The following EIPR1 variants were observed in gnomAD, a reference collection of about 807,000 sequenced individuals.
EIPR1 encodes the protein EARP and GARP complex-interacting protein 1.
Under a neutral mutation model 48.1 loss-of-function variants are expected in EIPR1, and 25 were observed. The ratio of observed to expected loss-of-function variants is 0.52; its 90% CI spans 0.38 to 0.73. The LOEUF (loss-of-function observed/expected upper bound fraction) is 0.73. Among genes scored for constraint, EIPR1 ranks in the 30% least tolerant of loss-of-function variants. The pLI is 0.00. For synonymous variants in EIPR1, 204 were observed against 201.9 expected, an observed-to-expected ratio of 1.01 and a Z score of -0.09; for missense variants, 415 against 506.2, an observed-to-expected ratio of 0.82 and a Z score of 1.73.
intron 4 of EIPR1, among the ~76,000 whole-genome samples, chr2:3,240,406 C>G (rs1371094167): frequency 6.6e-6 from 1 of 150,404 alleles, no homozygotes; most frequent in Non-Finnish European, 1.5e-5. Context: ...GCAAAGCCAG[C>G]AGATCCTTCC....
intron 3 of EIPR1, among the ~76,000 whole-genome samples, chr2:3,276,142 AGAT>A (rs1218382633): frequency 6.6e-6 from 1 of 152,258 alleles, no homozygotes; most frequent in Non-Finnish European, 1.5e-5. Context: ...TAAATTGTCA[AGAT>A]AAGTGTACTC....
intron 5 of EIPR1, chr2:3,208,383 C>G: frequency 7.3e-7 from 1 of 1,370,318 alleles, no homozygotes; most frequent in Non-Finnish European, 9.7e-7. Context: ...GGGCATCAGA[C>G]CTGACCCACA....
intron 4 of EIPR1, among the ~76,000 whole-genome samples, chr2:3,229,911 T>C (rs760238751): frequency 6.6e-5 from 10 of 152,234 alleles, no homozygotes; most frequent in Admixed American, 1.3e-4. Flanking sequence ...TTCTGTGCTA[T>C]AGATAAATAC....
chr2:3,205,119 G>A lies in EIPR1; in HGVS notation c.517-8102C>T, dbSNP rs183270678. On this transcript the variant is annotated intron_variant, in intron 5 of 8. Coordinates refer to ENST00000382125, the MANE Select transcript of EIPR1 (RefSeq NM_003310.5). Reference sequence around the variant, plus strand: ...GCGCAGGACGTATGAAGCACCTGGTGCAGGCGTGTCCCAGGTTGTGCACCC... The same window carrying A: ...GCGCAGGACGTATGAAGCACCTGGTACAGGCGTGTCCCAGGTTGTGCACCC... Among the ~76,000 whole-genome samples the A allele has an allele frequency of 1.4e-4, 21 of 152,338 alleles. No homozygotes were observed. In the East Asian group the frequency reaches 3.7e-3, roughly 27 times the overall value.
At chr2:3,274,338 C>G in intron 3 of EIPR1, 5 of 1,550,472 alleles carry the variant, frequency 3.2e-6, no homozygotes, top group Non-Finnish European at 4.4e-6. Context: ...CAGAAACTTA[C>G]AGGTTGCCAG....
intron 3 of EIPR1, among the ~76,000 whole-genome samples, chr2:3,297,607 G>A (rs1368754589): frequency 6.6e-6 from 1 of 152,164 alleles, no homozygotes; most frequent in African/African-American, 2.4e-5. Flanking sequence ...TTCTGTAAAG[G>A]GCCAGGTCAT....
chr2:3,246,994 GAGC>G (rs1666838807), intron 4 of EIPR1, among the ~76,000 whole-genome samples: 1 of 140 alleles, frequency 7.1e-3, no homozygotes, highest in Non-Finnish European at 0.019. Flanking sequence ...GGGAGGGAGA[GAGC>G]GAGGGAGGAG....
intron 3 of EIPR1, among the ~76,000 whole-genome samples, chr2:3,278,205 AG>A: frequency 6.6e-6 from 1 of 152,278 alleles, no homozygotes; most frequent in South Asian, 2.1e-4. Context: ...AAACGAGAGG[AG>A]GGGGAGACGC....
intron 4 of EIPR1, among the ~76,000 whole-genome samples, chr2:3,253,005 G>C (rs1036376788): frequency 1.1e-4 from 16 of 152,158 alleles, no homozygotes; most frequent in African/African-American, 3.9e-4. Flanking sequence ...AGTGGGGATC[G>C]GACGTGCCTC....
chr2:3,193,551 T>C (rs998749974), intron 7 of EIPR1, among the ~76,000 whole-genome samples: 1 of 152,218 alleles, frequency 6.6e-6, no homozygotes, highest in African/African-American at 2.4e-5. Flanking sequence ...TCAAATAATA[T>C]GTTAGGGAGA....
At chr2:3,308,081 C>T (rs1407589359) in intron 3 of EIPR1, among the ~76,000 whole-genome samples, 2 of 152,180 alleles carry the variant, frequency 1.3e-5, no homozygotes, top group Non-Finnish European at 2.9e-5. Context: ...CGCTGTCGGC[C>T]GTGTGTGGCC....
intron 4 of EIPR1, among the ~76,000 whole-genome samples, chr2:3,246,878 AGGG>A (rs1379413015): frequency 1.4e-4 from 7 of 50,488 alleles, no homozygotes; most frequent in African/African-American, 2.5e-4. Flanking sequence ...GGAGGGAGGG[AGGG>A]AGGGAGGGAG....
intron 2 of EIPR1, among the ~76,000 whole-genome samples, chr2:3,341,806 G>A (rs749783186): frequency 3.5e-4 from 53 of 152,078 alleles, no homozygotes; most frequent in African/African-American, 5.1e-4. Flanking sequence ...TTCTGGATGC[G>A]TGCACTTGGA....
At chr2:3,316,639 T>A (rs182113385) in intron 3 of EIPR1, among the ~76,000 whole-genome samples, 3 of 152,312 alleles carry the variant, frequency 2.0e-5, no homozygotes, top group Admixed American at 1.3e-4. Context: ...TTTCACCCAG[T>A]TTTTCTGTCT....
intron 4 of EIPR1, among the ~76,000 whole-genome samples, chr2:3,236,832 G>A (rs1476255360): frequency 6.6e-6 from 1 of 152,084 alleles, no homozygotes. Context: ...GTCAACCAAG[G>A]GCTGACTCAG....
rs560391654 is a variant in EIPR1 at position 3,239,595 on chromosome 2, G to A, written c.416+17704C>T. ...CGTGTGGCCCTGCCCTCAGCACAGCGCAAACCCTCAGGGCATCCCTTCCTG... is the reference window on the plus strand; with the variant it reads ...CGTGTGGCCCTGCCCTCAGCACAGCACAAACCCTCAGGGCATCCCTTCCTG... On this transcript the variant is annotated intron_variant, in intron 4 of 8. Coordinates refer to ENST00000382125, the MANE Select transcript of EIPR1 (RefSeq NM_003310.5). 6.6e-5 allele frequency among the ~76,000 whole-genome samples: 10 copies of A among 152,238 alleles called. No individual in the cohort carries two copies. In the East Asian group the frequency reaches 7.7e-4, roughly 12 times the overall value.
At chr2:3,309,054 C>T (rs2103305884) in intron 3 of EIPR1, among the ~76,000 whole-genome samples, 1 of 152,296 alleles carries the variant, frequency 6.6e-6, no homozygotes, top group South Asian at 2.1e-4. Flanking sequence ...AAGAAAAGAA[C>T]AACGAATGGG....
chr2:3,271,667 T>C (rs1299450426), intron 3 of EIPR1, among the ~76,000 whole-genome samples: 1 of 152,240 alleles, frequency 6.6e-6, no homozygotes, highest in Non-Finnish European at 1.5e-5. Context: ...AGATGTGCTG[T>C]CATCCAGGCT....
chr2:3,294,376 C>A (rs1332408358), intron 3 of EIPR1, among the ~76,000 whole-genome samples: 1 of 140,880 alleles, frequency 7.1e-6, no homozygotes, highest in Non-Finnish European at 1.5e-5. Flanking sequence ...TCCAGGCCAT[C>A]CTCTCTCCAC....
Sources: gnomAD v4.1 joint callset for allele counts (sites outside exome capture counted in the v4.1 genomes callset) on GRCh38, gnomAD v4.1.1 for gene constraint, MANE v1.5 for transcripts, NCBI Gene and HGNC (gene_info 2026-07-23, HGNC 2026-07-21) for gene names.